CSMD1: variants seen among roughly 807,000 people sequenced by gnomAD.
The protein encoded by CSMD1 is CUB and Sushi multiple domains 1, also known as CUB and sushi domain-containing protein 1.
A neutral mutation model predicts 417.5 loss-of-function variants in CSMD1; 213 were observed. The observed-to-expected ratio is 0.51, with a 90% confidence interval of 0.46 to 0.57. CSMD1 has a LOEUF of 0.57. CSMD1 is among the 20% of genes least tolerant of loss of function. The pLI is 0.00. For synonymous variants in CSMD1, 2,862 were observed against 1,736.8 expected, an observed-to-expected ratio of 1.65 and a Z score of -16.11; for missense variants, 6,923 against 4,529.7, an observed-to-expected ratio of 1.53 and a Z score of -15.17.
chr8:4,721,025 T>C (rs1205029033), intron 1 of CSMD1, among the ~76,000 whole-genome samples: 1 of 152,202 alleles, frequency 6.6e-6, no homozygotes, highest in Non-Finnish European at 1.5e-5. Context: ...AATTATTGTG[T>C]TTATAGCATT....
At chr8:3,306,588 T>G (rs1294811577) in intron 25 of CSMD1, among the ~76,000 whole-genome samples, 6 of 152,130 alleles carry the variant, frequency 3.9e-5, no homozygotes, top group Non-Finnish European at 7.4e-5. Flanking sequence ...GCCTGGGACA[T>G]GCAGATTAAG....
At chr8:4,087,360 G>A (rs1585285794) in intron 3 of CSMD1, among the ~76,000 whole-genome samples, 2 of 152,164 alleles carry the variant, frequency 1.3e-5, no homozygotes, top group South Asian at 2.1e-4. Context: ...GTCTGAATTT[G>A]CTTCTCAAAG....
rs1798679680 is a variant in CSMD1 at position 4,312,451 on chromosome 8, G to GCGTATATATATATGCGTATATATATACA, written c.415+107501_415+107502insTGTATATATATACGCATATATATATACG. Among the ~76,000 whole-genome samples, 6 of 107,582 alleles carry GCGTATATATATATGCGTATATATATACA rather than the reference G, an allele frequency of 5.6e-5. 1 individual carries two copies. Among genetic ancestry groups the GCGTATATATATATGCGTATATATATACA allele is most frequent in the African/African-American group, 4.0e-4 (6 of 15,024 alleles). The allele number at this position is 107,582 out of a possible 152,430, so 70.6% of individuals were successfully genotyped here. On this transcript the variant is annotated intron_variant, in intron 3 of 69. Transcript: ENST00000635120. ...TATATATATATGCGTATATATATAC[G>GCGTATATATATATGCGTATATATATACA]TATATATATGCGCGTATATATATAT...
At chr8:4,436,106 C>T (rs1020918879) in intron 2 of CSMD1, among the ~76,000 whole-genome samples, 3 of 152,074 alleles carry the variant, frequency 2.0e-5, no homozygotes, top group African/African-American at 7.2e-5. Context: ...TCCAACTGAG[C>T]TAAATATATT....
chr8:4,760,640 G>A (rs1177794332), intron 1 of CSMD1, among the ~76,000 whole-genome samples: 1 of 152,122 alleles, frequency 6.6e-6, no homozygotes, highest in African/African-American at 2.4e-5. Context: ...TGTTGTATAA[G>A]TATGCTGGTA....
intron 1 of CSMD1, among the ~76,000 whole-genome samples, chr8:4,897,166 C>T (rs1055745507): frequency 1.3e-5 from 2 of 151,938 alleles, no homozygotes; most frequent in African/African-American, 4.8e-5. Flanking sequence ...CTCCCGAGTG[C>T]AGAAGAGGAA....
Position 4,080,769 on chromosome 8 carries a change from G to A in CSMD1, c.416-48670C>T, listed in dbSNP as rs28450627. Among the ~76,000 whole-genome samples, 382 of 152,232 alleles carry A rather than the reference G, an allele frequency of 2.5e-3. 1 individual carries two copies. Among genetic ancestry groups the A allele is most frequent in the African/African-American group, 8.7e-3 (362 of 41,532 alleles). On this transcript the variant is annotated intron_variant, in intron 3 of 69. Transcript: ENST00000635120. ...ATTTTAATATAAGGTGAATAAGACT[G>A]GGCTAAATTACCACACCCCTCTCTA...
chr8:3,938,779 C>T (rs887181393), intron 5 of CSMD1, among the ~76,000 whole-genome samples: 8 of 152,094 alleles, frequency 5.3e-5, no homozygotes, highest in Admixed American at 1.3e-4. Context: ...TAATGTGACA[C>T]GTCAGATGAA....
chr8:3,044,820 C>T (rs1175334470), intron 50 of CSMD1, among the ~76,000 whole-genome samples: 2 of 152,112 alleles, frequency 1.3e-5, no homozygotes, highest in Non-Finnish European at 2.9e-5. Flanking sequence ...TCTTGAGATT[C>T]AGTGTACTGA....
chr8:3,477,129 T>C (rs796425238), intron 11 of CSMD1, among the ~76,000 whole-genome samples: 36 of 152,308 alleles, frequency 2.4e-4, no homozygotes, highest in African/African-American at 8.4e-4. Context: ...AAAAATAATT[T>C]GTTCAGACCT....
At chr8:4,077,270 A>G (rs1488531700) in intron 3 of CSMD1, among the ~76,000 whole-genome samples, 1 of 106,754 alleles carries the variant, frequency 9.4e-6, no homozygotes, top group African/African-American at 4.1e-5. Context: ...GTAAAAGCCC[A>G]TTTGTCACCT....
At chr8:3,412,418 G>C (rs1386700201) in intron 12 of CSMD1, among the ~76,000 whole-genome samples, 2 of 152,066 alleles carry the variant, frequency 1.3e-5, no homozygotes, top group African/African-American at 2.4e-5. Flanking sequence ...TCTGCTGTGA[G>C]GGATATAGAA....
intron 7 of CSMD1, among the ~76,000 whole-genome samples, chr8:3,685,195 C>G (rs917416784): frequency 1.9e-4 from 29 of 152,238 alleles, no homozygotes; most frequent in African/African-American, 7.0e-4. Context: ...TCCAAAGTTG[C>G]AAAATTGAAG....
chr8:3,296,293 C>T (rs971219936), intron 25 of CSMD1, among the ~76,000 whole-genome samples: 10 of 151,436 alleles, frequency 6.6e-5, no homozygotes, highest in African/African-American at 2.4e-4. Flanking sequence ...AAGCAGAAGC[C>T]CCACGTAAGG....
chr8:3,250,835 G>C (rs1413077535), intron 26 of CSMD1, among the ~76,000 whole-genome samples: 4 of 152,146 alleles, frequency 2.6e-5, no homozygotes, highest in Non-Finnish European at 5.9e-5. Flanking sequence ...ATTTTTTCAT[G>C]TGTCTGTTGG....
rs140131074 is a variant in CSMD1 at position 4,834,055 on chromosome 8, G to A, written c.85+160277C>T. 6.1e-3 allele frequency among the ~76,000 whole-genome samples: 929 copies of A among 152,188 alleles called. 12 individuals carry two copies. The highest frequency in any genetic ancestry group is 0.021 in the African/African-American group (882 of 41,528). On this transcript the variant is annotated intron_variant, in intron 1 of 69. Coordinates refer to ENST00000635120, the MANE Select transcript of CSMD1 (RefSeq NM_033225.6). ...ACGTGGCCAGTAGGTGCCACCATTA[G>A]CAATGTAATTTTACTATTGGACTCC...
intron 3 of CSMD1, among the ~76,000 whole-genome samples, chr8:4,067,334 A>C (rs1237611362): frequency 6.6e-6 from 1 of 152,236 alleles, no homozygotes; most frequent in Non-Finnish European, 1.5e-5. Context: ...GTTTTCAAGT[A>C]AGGTATAATT....
intron 8 of CSMD1, among the ~76,000 whole-genome samples, chr8:3,592,730 T>C (rs536550295): frequency 2.6e-5 from 4 of 152,132 alleles, no homozygotes; most frequent in East Asian, 1.9e-4. Flanking sequence ...AGCTTTGATT[T>C]TTCTTCCCCC....
At position 4,616,362 on chromosome 8, in the gene CSMD1, G is replaced by A. The variant is rs141252721; in HGVS notation, c.302+20980C>T. Among the ~76,000 whole-genome samples the A allele has an allele frequency of 8.3e-4, 127 of 152,250 alleles. 1 individual carries two copies. Among genetic ancestry groups the A allele is most frequent in the African/African-American group, 2.9e-3 (120 of 41,564 alleles). ...CTGAGTCCTTCTCAAGAACTCTGAGGTCACATGGAGATGACCACAACAGGC... is the reference window on the plus strand; with the variant it reads ...CTGAGTCCTTCTCAAGAACTCTGAGATCACATGGAGATGACCACAACAGGC... On this transcript the variant is annotated intron_variant, in intron 2 of 69. Coordinates refer to ENST00000635120, the MANE Select transcript of CSMD1 (RefSeq NM_033225.6).
Sources: gnomAD v4.1 joint callset for allele counts (sites outside exome capture counted in the v4.1 genomes callset) on GRCh38, gnomAD v4.1.1 for gene constraint, MANE v1.5 for transcripts, NCBI Gene and HGNC (gene_info 2026-07-23, HGNC 2026-07-21) for gene names.